SFSWAP: variants seen among roughly 807,000 people sequenced by gnomAD.
The protein encoded by SFSWAP is splicing factor, suppressor of white-apricot homolog.
SFSWAP carries 17 observed loss-of-function variants against 100.7 expected under a neutral mutation model. That is an observed-to-expected ratio of 0.17 (90% CI 0.12 to 0.25). SFSWAP has a LOEUF of 0.25. Ranked by LOEUF, SFSWAP falls within the 10% of genes least tolerant of loss-of-function variation. The pLI is 1.00. For synonymous variants in SFSWAP, 504 were observed against 510.1 expected (o/e 0.99, Z 0.16); for missense variants, 1,005 against 1,262.6 (o/e 0.80, Z 3.09).
chr12:131,761,880 T>TGA (rs1566036593), intron 11 of SFSWAP, among the ~76,000 whole-genome samples: 1 of 152,168 alleles, frequency 6.6e-6, no homozygotes, highest in Non-Finnish European at 1.5e-5. Flanking sequence ...CTGTAAAGGC[T>TGA]GAGTAAGGGA....
intron 14 of SFSWAP, among the ~76,000 whole-genome samples, chr12:131,781,922 G>A (rs1381725175): frequency 6.6e-6 from 1 of 152,226 alleles, no homozygotes; most frequent in East Asian, 1.9e-4. Flanking sequence ...GTGTTGGATT[G>A]TCTAGCAAGT....
intron 15 of SFSWAP, among the ~76,000 whole-genome samples, chr12:131,786,831 G>A (rs141171435): frequency 4.6e-5 from 7 of 152,198 alleles, no homozygotes; most frequent in African/African-American, 1.2e-4. Flanking sequence ...GCCTGGCTTC[G>A]TGTCCAGCTT....
intron 11 of SFSWAP, chr12:131,757,535 G>C (rs1008570001): frequency 6.5e-6 from 1 of 152,970 alleles, no homozygotes; most frequent in African/African-American, 2.4e-5. Context: ...TGGTGGCCTG[G>C]AATGGAGTGT....
chr12:131,714,908 G>A lies in SFSWAP; in HGVS notation c.475G>A (p.Asp159Asn). ...VGFTYGSDYYDPSEPTEEEEP... is the reference protein window; with the variant it reads ...VGFTYGSDYYNPSEPTEEEEP... Reference sequence around the variant, plus strand: ...GTTCACTTACGGTAGCGACTATTACGACCCGTCAGAGCCGACGGAGGAGGA... The same window carrying A: ...GTTCACTTACGGTAGCGACTATTACAACCCGTCAGAGCCGACGGAGGAGGA... Residue 159 changes from aspartate (D) to asparagine (N), a missense_variant, in exon 3 of 18, where the codon GAC (aspartate) becomes AAC (asparagine). By Grantham distance (23) the Asp-to-Asn change is conservative (BLOSUM62 1). This residue lies in a region of SFSWAP where 237 missense variants were observed against 337.0 expected (regional missense o/e 0.70). Transcript: ENST00000261674. This position sits in a 1 kb window ranked among gnomAD's most constrained non-coding sequence, Gnocchi z 6.0. 2 of 1,614,132 alleles carry A rather than the reference G, an allele frequency of 1.2e-6. No homozygotes were observed. The highest frequency in any genetic ancestry group is 1.7e-6 in the Non-Finnish European group (2 of 1,180,004).
At chr12:131,752,537 C>T (rs1427762232) in intron 7 of SFSWAP, among the ~76,000 whole-genome samples, 1 of 152,238 alleles carries the variant, frequency 6.6e-6, no homozygotes, top group Non-Finnish European at 1.5e-5. Flanking sequence ...CCCCTGGGAA[C>T]TTTTATTTAC....
chr12:131,717,023 G>A (rs1210385173), intron 3 of SFSWAP, among the ~76,000 whole-genome samples: 2 of 151,846 alleles, frequency 1.3e-5, no homozygotes, highest in African/African-American at 4.8e-5. Flanking sequence ...GATTAATTTC[G>A]TTAATGGAAA....
At position 131,726,760 on chromosome 12, in the gene SFSWAP, C is replaced by G. The variant is rs377562264; in HGVS notation, c.833-180C>G. On this transcript the variant is annotated intron_variant, in intron 5 of 17. Coordinates refer to ENST00000261674, the MANE Select transcript of SFSWAP (RefSeq NM_004592.4). ...AAGGAGTCACCAAATGGGCAAAGGT[C>G]GCAATCCTTTTTATCTGGCCTTCTT... Among the ~76,000 whole-genome samples, 6 of 152,312 alleles carry G rather than the reference C, an allele frequency of 3.9e-5. No homozygotes were observed. In the South Asian group the frequency reaches 8.3e-4, roughly 21 times the overall value.
intron 7 of SFSWAP, among the ~76,000 whole-genome samples, chr12:131,738,885 CTTTT>C (rs71072785): frequency 4.8e-3 from 232 of 48,742 alleles, no homozygotes; most frequent in African/African-American, 0.012. Context: ...GAACATTATT[CTTTT>C]TTTTTTTTTT....
intron 7 of SFSWAP, among the ~76,000 whole-genome samples, chr12:131,751,963 G>C (rs1881696726): frequency 6.6e-6 from 1 of 152,370 alleles, no homozygotes; most frequent in East Asian, 1.9e-4. Context: ...GGTGGTTGGT[G>C]TGTAACATGG....
intron 5 of SFSWAP, 95 bp from the exon 6 acceptor site, chr12:131,726,845 C>A: frequency 1.3e-6 from 1 of 788,472 alleles, no homozygotes; most frequent in South Asian, 1.5e-5. Context: ...GACAGATAAC[C>A]AAGATAACTT....
chr12:131,758,290 TCCC>T (rs1882364141), intron 11 of SFSWAP, among the ~76,000 whole-genome samples: 1 of 152,046 alleles, frequency 6.6e-6, no homozygotes, highest in Non-Finnish European at 1.5e-5. Context: ...TCTCCACACT[TCCC>T]TGATTGTCCT....
chr12:131,785,504 A>C, intron 14 of SFSWAP: 1 of 333,356 alleles, frequency 3.0e-6, no homozygotes. Context: ...AACAAAATGG[A>C]AATAAATGGT....
intron 7 of SFSWAP, among the ~76,000 whole-genome samples, chr12:131,736,097 A>G (rs1879991092): frequency 6.6e-6 from 1 of 152,218 alleles, no homozygotes; most frequent in African/African-American, 2.4e-5. Context: ...CAGTGTTTCA[A>G]ACAAGGCGGC....
intron 12 of SFSWAP, 47 bp from the exon 13 acceptor site, chr12:131,766,071 A>G: frequency 2.6e-6 from 4 of 1,552,158 alleles, no homozygotes; most frequent in Middle Eastern, 1.8e-4. Context: ...ATCAGATAAA[A>G]TACTGTTTGC....
At chr12:131,760,893 G>A (rs1245106687) in intron 11 of SFSWAP, among the ~76,000 whole-genome samples, 2 of 152,172 alleles carry the variant, frequency 1.3e-5, no homozygotes, top group Non-Finnish European at 2.9e-5. Flanking sequence ...TCAACATGGT[G>A]AAACCCTGTC....
chr12:131,728,099 G>GTGTTCAC (rs1231629055), intron 6 of SFSWAP, among the ~76,000 whole-genome samples, 194 bp from the exon 7 acceptor site: 6 of 152,212 alleles, frequency 3.9e-5, no homozygotes, highest in African/African-American at 1.2e-4. Flanking sequence ...TTGAAACCCT[G>GTGTTCAC]TGTTCACTCA....
intron 16 of SFSWAP, among the ~76,000 whole-genome samples, chr12:131,797,914 G>A (rs1054862914): frequency 2.0e-5 from 3 of 152,260 alleles, no homozygotes; most frequent in African/African-American, 7.2e-5. Context: ...TCTGGGAACA[G>A]CTGCTCCCTT....
Position 131,711,562 on chromosome 12 carries a change from G to A in SFSWAP, c.218+115G>A, listed in dbSNP as rs1163973907. On this transcript the variant is annotated intron_variant, in intron 1 of 17. Coordinates refer to ENST00000261674, the MANE Select transcript of SFSWAP (RefSeq NM_004592.4). The surrounding 1 kb of genome is among the most constrained non-coding windows in gnomAD (Gnocchi z 4.9). ...GTTTTCTGGAGCCAGCGGGGATCTG[G>A]GGGACACCCCCTCCCCTGTCCCCAC... 1.0e-5 allele frequency: 9 copies of A among 862,642 alleles called. No homozygotes were observed. Among genetic ancestry groups the A allele is most frequent in the Non-Finnish European group, 1.6e-5 (9 of 549,634 alleles). 53.4% of individuals were successfully genotyped at this position (862,642 alleles called of 1,614,324 possible).
At chr12:131,762,049 A>G (rs1475992472) in intron 11 of SFSWAP, among the ~76,000 whole-genome samples, 1 of 152,170 alleles carries the variant, frequency 6.6e-6, no homozygotes, top group African/African-American at 2.4e-5. Context: ...CCTGGCCAAC[A>G]TGGTGAAACC....
Sources: allele counts gnomAD v4.1 joint callset (sites outside exome capture counted in the v4.1 genomes callset), GRCh38; gene constraint gnomAD v4.1.1; regional missense constraint gnomAD v4.1.1; non-coding constraint Gnocchi (gnomAD v3.1); transcripts MANE v1.5; gene names NCBI Gene and HGNC (gene_info 2026-07-23, HGNC 2026-07-21).